Variants in PPTC7 observed in about 807,000 individuals in gnomAD.
PPTC7 encodes protein phosphatase PTC7 homolog.
In PPTC7, 6 loss-of-function variants were observed where a neutral mutation model predicts 30.8. That is an observed-to-expected ratio of 0.19 (90% CI 0.11 to 0.38). PPTC7 has a LOEUF of 0.38. Among genes scored for constraint, PPTC7 ranks in the 10% least tolerant of loss-of-function variants. The pLI is 1.00. For synonymous variants in PPTC7, 163 were observed against 168.1 expected (o/e 0.97, Z 0.23); for missense variants, 218 against 404.8 (o/e 0.54, Z 3.96).
chr12:110,546,961 G>A (rs1363795049), intron 2 of PPTC7, among the ~76,000 whole-genome samples: 1 of 152,226 alleles, frequency 6.6e-6, no homozygotes, highest in African/African-American at 2.4e-5. Context: ...TGTTGGCAAA[G>A]TGTAGGGAAC....
At chr12:110,537,222 T>C in intron 5 of PPTC7, 127 bp from the exon 6 acceptor site, 5 of 559,032 alleles carry the variant, frequency 8.9e-6, no homozygotes, top group East Asian at 6.2e-5. Flanking sequence ...CAGTATACCC[T>C]AGTAGAATAA....
chr12:110,579,338 C>A (rs552984863), intron 1 of PPTC7, among the ~76,000 whole-genome samples: 33 of 152,190 alleles, frequency 2.2e-4, no homozygotes, highest in Non-Finnish European at 4.1e-4. Context: ...CCTTCACTGC[C>A]CCTATCCCCC....
Position 110,557,022 on chromosome 12 carries a change from G to T in PPTC7, c.224-5054C>A, listed in dbSNP as rs142154901. Among the ~76,000 whole-genome samples the T allele has an allele frequency of 6.8e-3, 1,038 of 152,262 alleles. 1 individual carries two copies. The highest frequency in any genetic ancestry group is 9.3e-3 in the Non-Finnish European group (636 of 68,030). On this transcript the variant is annotated intron_variant, in intron 1 of 5. Transcript: ENST00000354300. ...GGCAGACAACTAGATGCTGGGGCTT[G>T]GGTGAGCAGGGAGAAGCTGAAAAAT...
At position 110,582,406 on chromosome 12, in the gene PPTC7, G is replaced by T. The variant is rs2064645304; in HGVS notation, c.223+403C>A. On this transcript the variant is annotated intron_variant, in intron 1 of 5. Transcript: ENST00000354300. ...GGCTGTGGTGTCGGGAGCACGCGAAGAGGCAGGGATCCCCGGGGCATGCGG... is the reference window on the plus strand; with the variant it reads ...GGCTGTGGTGTCGGGAGCACGCGAATAGGCAGGGATCCCCGGGGCATGCGG... 2.0e-5 allele frequency among the ~76,000 whole-genome samples: 3 copies of T among 152,216 alleles called. No individual in the cohort carries two copies. The South Asian group carries it at 6.2e-4, about 32-fold the overall frequency.
chr12:110,552,791 G>A (rs2064358572), intron 1 of PPTC7, among the ~76,000 whole-genome samples: 1 of 152,154 alleles, frequency 6.6e-6, no homozygotes, highest in Non-Finnish European at 1.5e-5. Context: ...GTGAACCCGC[G>A]AGGCAGAGCT....
rs2064193058 is a variant in PPTC7 at position 110,533,744 on chromosome 12, C to G, written c.*3293G>C. The G allele has an allele frequency of 1.3e-5, 2 of 152,178 alleles. No individual in the cohort carries two copies. The highest frequency in any genetic ancestry group is 6.5e-5 in the Admixed American group (1 of 15,274). The allele number at this position is 152,178 out of a possible 1,614,324, so 9.4% of individuals were successfully genotyped here. ...AAAGTACAAACGTTTACAATTCGAG[C>G]CAATCTTGTTTACATTCTCTCAAAC... On this transcript the variant is annotated 3_prime_UTR_variant, in exon 6 of 6. Transcript: ENST00000354300.
intron 1 of PPTC7, among the ~76,000 whole-genome samples, chr12:110,553,691 AC>A (rs1258226924): frequency 1.1e-4 from 16 of 152,136 alleles, no homozygotes; most frequent in African/African-American, 3.9e-4. Flanking sequence ...AGGCGGGAGG[AC>A]TGCTTGAGCC....
intron 1 of PPTC7, among the ~76,000 whole-genome samples, chr12:110,559,412 A>ATT (rs538513009): frequency 4.8e-4 from 70 of 144,938 alleles, no homozygotes; most frequent in South Asian, 1.6e-3. Flanking sequence ...GAAGAAAAAA[A>ATT]TTTTTTTTTT....
At chr12:110,551,743 A>T (rs1380143271) in intron 2 of PPTC7, 46 bp downstream of exon 2, 2 of 1,548,598 alleles carry the variant, frequency 1.3e-6, no homozygotes, top group African/African-American at 2.7e-5. Flanking sequence ...GTTTTTAACT[A>T]TCTAGGGGGC....
intron 1 of PPTC7, among the ~76,000 whole-genome samples, chr12:110,568,040 C>T (rs1233854001): frequency 3.9e-5 from 5 of 129,676 alleles, no homozygotes; most frequent in Non-Finnish European, 6.3e-5. Context: ...AATTCCTTAA[C>T]ATGATAATTT....
At chr12:110,540,776 A>C (rs897577472) in intron 3 of PPTC7, among the ~76,000 whole-genome samples, 6 of 147,860 alleles carry the variant, frequency 4.1e-5, no homozygotes, top group African/African-American at 1.3e-4. Context: ...ACAACATGCC[A>C]ATCTTTTTTT....
At chr12:110,541,255 G>A (rs560233593) in intron 3 of PPTC7, among the ~76,000 whole-genome samples, 5 of 151,660 alleles carry the variant, frequency 3.3e-5, no homozygotes, top group African/African-American at 9.7e-5. Flanking sequence ...GGTGGCACAC[G>A]CTTGTGATCC....
rs2064656757 is a variant in PPTC7, at chr12:110,583,308, G to T, written c.-277C>A. 1 of 168,710 alleles carries T rather than the reference G, an allele frequency of 5.9e-6. No individual in the cohort carries two copies. The highest frequency in any genetic ancestry group is 1.3e-5 in the Non-Finnish European group (1 of 79,650). The allele number at this position is 168,710 out of a possible 1,614,324, so 10.5% of individuals were successfully genotyped here. A position where few individuals can be genotyped will look rare whatever the true frequency, so the allele number is the denominator to read the frequency against. On this transcript the variant is annotated 5_prime_UTR_variant, in exon 1 of 6. Coordinates refer to ENST00000354300, the MANE Select transcript of PPTC7 (RefSeq NM_139283.2). ...GCCGCCGCCGCCGCCGCCATCTTCCGCTCCACTAGCGTGTTCCGGGCGGTG... is the reference window on the plus strand; with the variant it reads ...GCCGCCGCCGCCGCCGCCATCTTCCTCTCCACTAGCGTGTTCCGGGCGGTG...
chr12:110,582,704 G>T, intron 1 of PPTC7, 105 bp downstream of exon 1: 2 of 987,602 alleles, frequency 2.0e-6, no homozygotes, highest in Non-Finnish European at 2.9e-6. Context: ...CCATGTGAGC[G>T]CTCTGGCTCC....
intron 1 of PPTC7, among the ~76,000 whole-genome samples, chr12:110,556,523 T>C (rs2064388449): frequency 6.6e-6 from 1 of 152,188 alleles, no homozygotes; most frequent in South Asian, 2.1e-4. Flanking sequence ...AGAGCAAGAA[T>C]ACCCTTTAAA....
At chr12:110,538,784 C>T (rs939128518) in intron 4 of PPTC7, among the ~76,000 whole-genome samples, 2 of 152,184 alleles carry the variant, frequency 1.3e-5, no homozygotes, top group East Asian at 3.8e-4. Flanking sequence ...AACACGAGGT[C>T]CACTTCAGCT....
chr12:110,577,603 C>T (rs922644410), intron 1 of PPTC7, among the ~76,000 whole-genome samples: 2 of 152,190 alleles, frequency 1.3e-5, no homozygotes, highest in Non-Finnish European at 2.9e-5. Flanking sequence ...CTCAAGACAA[C>T]TACTTTTAAG....
chr12:110,579,616 A>G (rs560935499), intron 1 of PPTC7, among the ~76,000 whole-genome samples: 1 of 152,172 alleles, frequency 6.6e-6, no homozygotes, highest in South Asian at 2.1e-4. Context: ...GAAAGCTAAA[A>G]ACCACTGGTT....
intron 1 of PPTC7, among the ~76,000 whole-genome samples, chr12:110,567,207 G>A (rs144587800): frequency 4.4e-4 from 67 of 152,274 alleles, no homozygotes; most frequent in South Asian, 1.9e-3. Context: ...CCTAGTACCT[G>A]GCTCAATGAT....
Sources: allele counts gnomAD v4.1 joint callset (sites outside exome capture counted in the v4.1 genomes callset), GRCh38; gene constraint gnomAD v4.1.1; transcripts MANE v1.5; gene names NCBI Gene and HGNC (gene_info 2026-07-23, HGNC 2026-07-21).